Variants in CYREN observed in about 807,000 individuals in gnomAD.
CYREN encodes cell cycle regulator of non-homologous end joining.
In CYREN, 7 loss-of-function variants were observed where a neutral mutation model predicts 9.7. The observed-to-expected ratio is 0.72, with a 90% CI of 0.41 to 1.36. The LOEUF is 1.36. CYREN is among the 40% of genes most tolerant of loss of function. The pLI is 0.01. For missense variants in CYREN, 215 were observed against 198.1 expected, an observed-to-expected ratio of 1.09 and a Z score of -0.51; for synonymous variants, 76 against 77.9, an observed-to-expected ratio of 0.98 and a Z score of 0.13.
At chr7:135,103,904 C>T (rs980393032) in intron 2 of CYREN, among the ~76,000 whole-genome samples, 3 of 151,924 alleles carry the variant, frequency 2.0e-5, no homozygotes, top group Non-Finnish European at 4.4e-5. Context: ...TAAGGATGTT[C>T]ATCATGGTAT....
At position 135,166,749 on chromosome 7, in the gene CYREN, G is replaced by A. The variant is rs777085745; in HGVS notation, c.336C>T (p.Asp112=). 5 of 1,614,060 alleles carry A rather than the reference G, an allele frequency of 3.1e-6. No homozygotes were observed. Among genetic ancestry groups the A allele is most frequent in the Non-Finnish European group, 4.2e-6 (5 of 1,180,038 alleles). The change falls in exon 4 of 4, where the codon GAC becomes GAT. Residue 112 remains aspartate (D), a synonymous_variant. Coordinates refer to ENST00000393114, the MANE Select transcript of CYREN (RefSeq NM_024033.4). ...CTGGAGCCAGTGCCTGTTTCCCACTGTCCTCTTCCTCACTGCTGCTCCCAG... is the reference window on the plus strand; with the variant it reads ...CTGGAGCCAGTGCCTGTTTCCCACTATCCTCTTCCTCACTGCTGCTCCCAG... ...TSSGSSSEEE[D]SGKQALAPGL...
At chr7:135,170,554 T>C (rs1043920675) in intron 1 of CYREN, 98 bp downstream of exon 1, 4 of 152,358 alleles carry the variant, frequency 2.6e-5, no homozygotes, top group East Asian at 1.9e-4. Flanking sequence ...CTGGCTTCCC[T>C]GCTCTCAGGT....
At chr7:135,156,178 C>A (rs1389982409) in intron 2 of CYREN, among the ~76,000 whole-genome samples, 5 of 152,036 alleles carry the variant, frequency 3.3e-5, no homozygotes, top group Non-Finnish European at 7.4e-5. Flanking sequence ...TTTTAAAATT[C>A]TTTCTTTCAC....
intron 2 of CYREN, chr7:135,147,978 T>C (rs1216969796): frequency 2.2e-6 from 1 of 455,446 alleles, no homozygotes; most frequent in Non-Finnish European, 4.4e-6. Context: ...TTTACATACC[T>C]CATTTCTGAA....
At chr7:135,107,859 G>GTC (rs1047037445) in intron 2 of CYREN, among the ~76,000 whole-genome samples, 2 of 152,102 alleles carry the variant, frequency 1.3e-5, no homozygotes, top group African/African-American at 4.8e-5. Context: ...CTTTTTGTAG[G>GTC]TCTCTAGGAA....
At chr7:135,165,146 C>A, downstream of CYREN, 3 of 946,104 alleles carry the variant, frequency 3.2e-6, no homozygotes. Flanking sequence ...GTCAAAGAGG[C>A]CGAGGGGCAG....
At chr7:135,157,453 T>C (rs1431107986) in intron 2 of CYREN, among the ~76,000 whole-genome samples, 1 of 152,232 alleles carries the variant, frequency 6.6e-6, no homozygotes, top group Non-Finnish European at 1.5e-5. Context: ...ACCCCAGTGG[T>C]GGCAACAGTG....
intron 2 of CYREN, among the ~76,000 whole-genome samples, chr7:135,140,894 C>T (rs1562917588): frequency 6.6e-6 from 1 of 152,062 alleles, no homozygotes; most frequent in Non-Finnish European, 1.5e-5. Context: ...TATGTTGAAC[C>T]AACCTTCCAT....
At chr7:135,129,269 T>G (rs1828390254) in intron 2 of CYREN, 1 of 1,526,168 alleles carries the variant, frequency 6.6e-7, no homozygotes, top group South Asian at 1.1e-5. Flanking sequence ...GCTGCAATTT[T>G]GCCTTCTGTA....
chr7:135,096,787 G>GAAAGAA (rs1554516804), intron 2 of CYREN, among the ~76,000 whole-genome samples: 2 of 147,052 alleles, frequency 1.4e-5, no homozygotes, highest in Non-Finnish European at 3.0e-5. Flanking sequence ...AAGAAAGAAA[G>GAAAGAA]AAAGAAAAAG....
chr7:135,093,365 T>G (rs1314719129), exon 3 of CYREN: 3 of 152,010 alleles, frequency 2.0e-5, no homozygotes, highest in Non-Finnish European at 4.4e-5. Flanking sequence ...GGATAAAAGA[T>G]CAATAGGCAA....
chr7:135,129,625 G>A, intron 2 of CYREN: 2 of 777,552 alleles, frequency 2.6e-6, no homozygotes, highest in Non-Finnish European at 4.8e-6. Flanking sequence ...GCTTCAACAT[G>A]TCTTAAACAG....
intron 2 of CYREN, among the ~76,000 whole-genome samples, chr7:135,146,296 G>A (rs2348285): frequency 0.49 from 73,725 of 151,946 alleles, 18,249 homozygotes; most frequent in South Asian, 0.66. Flanking sequence ...TAAGTTCACC[G>A]TCATATGGGT....
chr7:135,170,638 G>C lies in CYREN; in HGVS notation c.-139+14C>G, dbSNP rs1320018490. On this transcript the variant is annotated intron_variant, in intron 1 of 3. Coordinates refer to ENST00000393114, the MANE Select transcript of CYREN (RefSeq NM_024033.4). ...GGAGGCAAATTCCAAGCGGTTGTGG[G>C]ACCCACGCCTCACCCGGAACTTTAA... The C allele has an allele frequency of 2.0e-5, 3 of 152,394 alleles. No homozygotes were observed. The highest frequency in any genetic ancestry group is 3.4e-3 in the Middle Eastern group (1 of 296). 9.4% of individuals were successfully genotyped at this position (152,394 alleles called of 1,614,324 possible). A position where few individuals can be genotyped will look rare whatever the true frequency, so the allele number is the denominator to read the frequency against.
intron 2 of CYREN, 130 bp downstream of exon 2, chr7:135,168,656 A>C: frequency 4.3e-6 from 6 of 1,392,874 alleles, no homozygotes; most frequent in Non-Finnish European, 5.8e-6. Flanking sequence ...CTAAAAGCTC[A>C]AGAGATGATC....
At chr7:135,157,249 A>G (rs946192346) in intron 2 of CYREN, among the ~76,000 whole-genome samples, 1 of 152,128 alleles carries the variant, frequency 6.6e-6, no homozygotes, top group East Asian at 1.9e-4. Flanking sequence ...TTTTTTCCTG[A>G]GGATATATGC....
exon 3 of CYREN, chr7:135,094,173 A>T (rs1822292358): frequency 5.7e-6 from 2 of 348,860 alleles, no homozygotes; most frequent in South Asian, 4.4e-5. Flanking sequence ...ATTTAAACAG[A>T]TAATAAGGGG....
intron 2 of CYREN, chr7:135,129,621 A>G: frequency 1.3e-6 from 1 of 777,116 alleles, no homozygotes; most frequent in Non-Finnish European, 2.4e-6. Context: ...TCCTGCTTCA[A>G]CATGTCTTAA....
intron 2 of CYREN, among the ~76,000 whole-genome samples, chr7:135,111,559 A>G (rs953859972): frequency 6.6e-6 from 1 of 151,716 alleles, no homozygotes; most frequent in Non-Finnish European, 1.5e-5. Context: ...ACTTATCCTA[A>G]TGTTGTACAC....
Sources: gnomAD v4.1 joint callset for allele counts (sites outside exome capture counted in the v4.1 genomes callset) on GRCh38, gnomAD v4.1.1 for gene constraint, MANE v1.5 for transcripts, NCBI Gene and HGNC (gene_info 2026-07-23, HGNC 2026-07-21) for gene names.